Variants in MAP2K4 observed in about 807,000 individuals in gnomAD.
The protein encoded by MAP2K4 is mitogen-activated protein kinase kinase 4.
Under a neutral mutation model 48.5 loss-of-function variants are expected in MAP2K4, and 4 were observed. That is an observed-to-expected ratio of 0.08 (90% CI 0.04 to 0.19). MAP2K4 has a LOEUF of 0.19. Ranked by LOEUF, MAP2K4 falls within the 10% of genes least tolerant of loss-of-function variation. The probability of loss-of-function intolerance (pLI) is 1.00; values close to 1 mark genes in which losing one functional copy is unlikely to be tolerated. For missense variants in MAP2K4, 258 were observed against 493.3 expected (o/e 0.52, Z 4.52); for synonymous variants, 166 against 173.1 (o/e 0.96, Z 0.32).
At chr17:12,090,064 A>T (rs1007851180) in intron 3 of MAP2K4, among the ~76,000 whole-genome samples, 1 of 152,166 alleles carries the variant, frequency 6.6e-6, no homozygotes, top group Non-Finnish European at 1.5e-5. Context: ...TCCTCCGTAG[A>T]ACTTCTGTTT....
intron 1 of MAP2K4, among the ~76,000 whole-genome samples, chr17:12,054,188 ATTATT>A (rs1970222685): frequency 1.3e-5 from 2 of 152,182 alleles, no homozygotes; most frequent in Non-Finnish European, 2.9e-5. Context: ...TAGTAAACTG[ATTATT>A]TTGAGATACT....
intron 1 of MAP2K4, among the ~76,000 whole-genome samples, chr17:12,032,113 T>C (rs973095680): frequency 1.3e-5 from 2 of 152,180 alleles, no homozygotes; most frequent in Admixed American, 1.3e-4. Context: ...TTAAGAAAGC[T>C]CATGTGTTAT....
chr17:12,072,431 A>G (rs1970847504), intron 2 of MAP2K4, among the ~76,000 whole-genome samples: 1 of 152,228 alleles, frequency 6.6e-6, no homozygotes, highest in Non-Finnish European at 1.5e-5. Flanking sequence ...CTGAATATCA[A>G]ATAGGAAGCC....
intron 2 of MAP2K4, among the ~76,000 whole-genome samples, chr17:12,072,792 A>G (rs1209398271): frequency 6.6e-6 from 1 of 152,208 alleles, no homozygotes; most frequent in Non-Finnish European, 1.5e-5. Context: ...ATTTATTTCT[A>G]TAAAATTGTT....
intron 2 of MAP2K4, among the ~76,000 whole-genome samples, chr17:12,066,361 C>T (rs1460604907): frequency 6.6e-6 from 1 of 152,102 alleles, no homozygotes; most frequent in African/African-American, 2.4e-5. Flanking sequence ...TGCAGAAAAG[C>T]TTATTATATG....
At chr17:12,100,619 C>T (rs1026254408) in intron 4 of MAP2K4, among the ~76,000 whole-genome samples, 1 of 152,032 alleles carries the variant, frequency 6.6e-6, no homozygotes, top group Non-Finnish European at 1.5e-5. Flanking sequence ...GTATGTTTAA[C>T]TTTTTAAAAA....
chr17:12,064,071 G>GTA (rs111248001), intron 2 of MAP2K4, among the ~76,000 whole-genome samples: 38 of 150,348 alleles, frequency 2.5e-4, no homozygotes, highest in Middle Eastern at 3.4e-3. Context: ...CATTCACAAT[G>GTA]TATATATATA....
In MAP2K4 at chr17:12,021,016, C is replaced by T; in HGVS notation, c.115+15C>T. 1 of 1,198,692 alleles carries T rather than the reference C, an allele frequency of 8.3e-7. No homozygotes were observed. The highest frequency in any genetic ancestry group is 1.0e-6 in the Non-Finnish European group (1 of 963,678). The allele number at this position is 1,198,692 out of a possible 1,614,324, so 74.3% of individuals were successfully genotyped here. A position where few individuals can be genotyped will look rare whatever the true frequency, so the allele number is the denominator to read the frequency against. Reference sequence around the variant, plus strand: ...CAGCATGCAGGGTAAGGAACGCGGCCGCGCCGAGATCCCAGCCCCCTAGCG... The same window carrying T: ...CAGCATGCAGGGTAAGGAACGCGGCTGCGCCGAGATCCCAGCCCCCTAGCG... On this transcript the variant is annotated intron_variant, in intron 1 of 10. Transcript: ENST00000353533.
intron 7 of MAP2K4, among the ~76,000 whole-genome samples, chr17:12,117,785 T>C (rs1017030187): frequency 1.3e-5 from 2 of 152,158 alleles, no homozygotes; most frequent in African/African-American, 4.8e-5. Context: ...AAATGTGAAA[T>C]GTCTTACAGA....
At chr17:12,076,434 CAG>C (rs1390016934) in intron 2 of MAP2K4, among the ~76,000 whole-genome samples, 1 of 151,998 alleles carries the variant, frequency 6.6e-6, no homozygotes. Context: ...TTTAAGTTAA[CAG>C]ATATATTTGT....
At chr17:12,042,103 C>G (rs1469619919) in intron 1 of MAP2K4, among the ~76,000 whole-genome samples, 2 of 144,086 alleles carry the variant, frequency 1.4e-5, no homozygotes, top group African/African-American at 5.1e-5. Flanking sequence ...ATTGCTTGAA[C>G]CCAGGAGGTG....
At chr17:12,042,136 G>C (rs181473230) in intron 1 of MAP2K4, among the ~76,000 whole-genome samples, 1 of 130,668 alleles carries the variant, frequency 7.7e-6, no homozygotes, top group Non-Finnish European at 1.6e-5. Context: ...AACCGAGATC[G>C]TGCCTGGGCA....
In MAP2K4 at chr17:12,081,257, A is replaced by G. The variant is rs1201655581; in HGVS notation, c.219-99A>G. On this transcript the variant is annotated intron_variant, in intron 2 of 10. Transcript: ENST00000353533. The surrounding 1 kb of genome is among the most constrained non-coding windows in gnomAD (Gnocchi z 4.2). Reference sequence around the variant, plus strand: ...AACCTGGAGGTCAGACTATTTTAGTAATTTAGAAAACATTTTTCCCACACA... The same window carrying G: ...AACCTGGAGGTCAGACTATTTTAGTGATTTAGAAAACATTTTTCCCACACA... 2.4e-5 allele frequency: 22 copies of G among 912,364 alleles called. No individual in the cohort carries two copies. The highest frequency in any genetic ancestry group is 3.2e-5 in the Non-Finnish European group (20 of 616,070). 56.5% of individuals were successfully genotyped at this position (912,364 alleles called of 1,614,324 possible). A position where few individuals can be genotyped will look rare whatever the true frequency, so the allele number is the denominator to read the frequency against.
intron 7 of MAP2K4, chr17:12,124,463 A>C (rs1972787667): frequency 6.6e-6 from 1 of 152,202 alleles, no homozygotes; most frequent in African/African-American, 2.4e-5. Context: ...ATATCTTTAC[A>C]CATATGTGTA....
At chr17:12,030,975 G>C (rs1969419073) in intron 1 of MAP2K4, among the ~76,000 whole-genome samples, 1 of 152,146 alleles carries the variant, frequency 6.6e-6, no homozygotes, top group Non-Finnish European at 1.5e-5. Context: ...GTGGTAGGAG[G>C]CCAGTGGCTT....
At chr17:12,041,447 A>G (rs984346139) in intron 1 of MAP2K4, among the ~76,000 whole-genome samples, 12 of 152,314 alleles carry the variant, frequency 7.9e-5, no homozygotes, top group Admixed American at 3.9e-4. Context: ...GCAGTGCTGA[A>G]ATGGAAAGTT....
At chr17:12,139,151 G>A (rs1033070323) in intron 9 of MAP2K4, among the ~76,000 whole-genome samples, 1 of 152,154 alleles carries the variant, frequency 6.6e-6, no homozygotes, top group Non-Finnish European at 1.5e-5. Context: ...TATTAATTGA[G>A]GTTGGAAGGG....
intron 1 of MAP2K4, among the ~76,000 whole-genome samples, chr17:12,042,325 A>G (rs1399269031): frequency 1.3e-5 from 2 of 152,146 alleles, no homozygotes; most frequent in African/African-American, 2.4e-5. Flanking sequence ...GGTGAAAAAC[A>G]GTTATTACAG....
chr17:12,103,029 T>C (rs1971986587), intron 4 of MAP2K4, among the ~76,000 whole-genome samples: 1 of 150,394 alleles, frequency 6.6e-6, no homozygotes, highest in Non-Finnish European at 1.5e-5. Context: ...TTCTTTTCTT[T>C]TCTTATCTTT....
Sources: allele counts gnomAD v4.1 joint callset (sites outside exome capture counted in the v4.1 genomes callset), GRCh38; gene constraint gnomAD v4.1.1; non-coding constraint Gnocchi (gnomAD v3.1); transcripts MANE v1.5; gene names NCBI Gene and HGNC (gene_info 2026-07-23, HGNC 2026-07-21).